Variants in HERC4 observed in about 807,000 individuals in gnomAD.
HERC4 encodes the protein HECT and RLD domain containing E3 ubiquitin protein ligase 4.
A neutral mutation model predicts 124.3 loss-of-function variants in HERC4; 28 were observed. That is an observed-to-expected ratio of 0.23 (90% CI 0.17 to 0.31). The LOEUF (loss-of-function observed/expected upper bound fraction) is 0.31. Ranked by LOEUF, HERC4 falls within the 10% of genes least tolerant of loss-of-function variation. The pLI is 1.00. For synonymous variants in HERC4, 407 were observed against 421.5 expected (o/e 0.97, Z 0.42); for missense variants, 713 against 1,229.3 (o/e 0.58, Z 6.28).
At chr10:68,069,873 C>T (rs1009312949) in intron 3 of HERC4, 44 of 454,950 alleles carry the variant, frequency 9.7e-5, no homozygotes, top group African/African-American at 2.1e-4. Flanking sequence ...AAACCCCGTC[C>T]CTACTAAAAA....
intron 16 of HERC4, 110 bp from the exon 17 acceptor site, chr10:67,957,086 G>A: frequency 1.8e-6 from 1 of 568,330 alleles, no homozygotes. Context: ...TCACTCATGT[G>A]GTTCTGGAAT....
intron 16 of HERC4, chr10:67,964,946 G>C (rs191188648): frequency 1.3e-5 from 2 of 152,202 alleles, no homozygotes; most frequent in Non-Finnish European, 2.9e-5. Context: ...CTAAGTTTTT[G>C]TATTTTTAGT....
At chr10:67,941,236 C>T in intron 19 of HERC4, 131 bp from the exon 20 acceptor site, 1 of 568,078 alleles carries the variant, frequency 1.8e-6, no homozygotes, top group Non-Finnish European at 2.9e-6. Context: ...AGTTCATCCT[C>T]ATTACTGTCT....
intron 3 of HERC4, chr10:68,069,176 C>T (rs2041447914): frequency 1.0e-6 from 1 of 962,656 alleles, no homozygotes; most frequent in African/African-American, 1.8e-5. Flanking sequence ...AAGTATACTT[C>T]CCATACTTAA....
chr10:68,010,954 T>A, intron 9 of HERC4: 1 of 992,994 alleles, frequency 1.0e-6, no homozygotes. Flanking sequence ...AGTTCTCTTG[T>A]TATTTCCACC....
At chr10:68,006,085 CT>C (rs1304071329) in intron 9 of HERC4, among the ~76,000 whole-genome samples, 1 of 152,112 alleles carries the variant, frequency 6.6e-6, no homozygotes, top group African/African-American at 2.4e-5. Flanking sequence ...ATCTTTTCCC[CT>C]GCTCTTTAAT....
intron 15 of HERC4, among the ~76,000 whole-genome samples, chr10:67,975,629 C>T (rs929878749): frequency 1.3e-5 from 2 of 152,168 alleles, no homozygotes; most frequent in Admixed American, 6.5e-5. Flanking sequence ...GGATTACAGG[C>T]GTGAGCCACC....
intron 19 of HERC4, among the ~76,000 whole-genome samples, chr10:67,944,070 G>A (rs2033135488): frequency 6.6e-6 from 1 of 152,246 alleles, no homozygotes; most frequent in Admixed American, 6.5e-5. Context: ...TTCACCACCT[G>A]CTGACTGCAG....
At chr10:67,969,999 T>G (rs1029931479) in intron 15 of HERC4, among the ~76,000 whole-genome samples, 6 of 152,094 alleles carry the variant, frequency 3.9e-5, no homozygotes, top group Admixed American at 6.5e-5. Flanking sequence ...GCATGCAAAG[T>G]GGGGCACAAA....
chr10:68,013,637 T>G (rs1255737070), intron 9 of HERC4, among the ~76,000 whole-genome samples: 1 of 152,214 alleles, frequency 6.6e-6, no homozygotes, highest in African/African-American at 2.4e-5. Context: ...ATCCTCAAGA[T>G]GAAAAGAGTT....
chr10:67,945,622 A>T (rs910303445), intron 19 of HERC4, among the ~76,000 whole-genome samples: 2 of 50,904 alleles, frequency 3.9e-5, no homozygotes, highest in East Asian at 5.4e-4. Flanking sequence ...ATGAACCAAT[A>T]AAAAATAATA....
chr10:67,946,532 G>T (rs1190685890), intron 19 of HERC4, among the ~76,000 whole-genome samples: 1 of 151,958 alleles, frequency 6.6e-6, no homozygotes, highest in Admixed American at 6.6e-5. Context: ...AGACAAAACA[G>T]ATGCAAGACA....
intron 3 of HERC4, among the ~76,000 whole-genome samples, chr10:68,059,843 T>TATTATATATTATATTATATATTATAATA (rs1564609898): frequency 3.8e-5 from 1 of 26,310 alleles, no homozygotes; most frequent in Non-Finnish European, 5.2e-5. Flanking sequence ...TATATTATAA[T>TATTATATATTATATTATATATTATAATA]ATATTATATA....
intron 7 of HERC4, among the ~76,000 whole-genome samples, chr10:68,030,651 C>T (rs560343441): frequency 3.9e-5 from 6 of 152,274 alleles, no homozygotes; most frequent in African/African-American, 1.4e-4. Context: ...AACTCATGGA[C>T]ATTTGGATTT....
intron 3 of HERC4, chr10:68,069,295 G>C (rs2041453515): frequency 1.0e-6 from 1 of 968,592 alleles, no homozygotes; most frequent in Non-Finnish European, 1.2e-6. Flanking sequence ...TTTAAAAATT[G>C]AGACATTAGC....
intron 7 of HERC4, among the ~76,000 whole-genome samples, chr10:68,027,126 T>A (rs1328836083): frequency 6.6e-6 from 1 of 152,260 alleles, no homozygotes; most frequent in Non-Finnish European, 1.5e-5. Flanking sequence ...TCAGTTCAAC[T>A]GCTTTTCTTC....
chr10:68,015,138 G>C (rs1256076663), intron 8 of HERC4, among the ~76,000 whole-genome samples: 1 of 151,692 alleles, frequency 6.6e-6, no homozygotes, highest in African/African-American at 2.4e-5. Flanking sequence ...CAGTGTCTCA[G>C]TTCCGAGCCT....
At chr10:67,988,199 C>T (rs2036366382) in intron 15 of HERC4, 1 of 152,094 alleles carries the variant, frequency 6.6e-6, no homozygotes, top group Non-Finnish European at 1.5e-5. Flanking sequence ...ACATACGGTT[C>T]CAATTTTAAA....
In HERC4 at chr10:68,044,388, T is replaced by TG. The variant is rs747474175; in HGVS notation, c.386+15dup. 2 of 1,596,288 alleles carry TG rather than the reference T, an allele frequency of 1.3e-6. No homozygotes were observed. The highest frequency in any genetic ancestry group is 1.7e-6 in the Non-Finnish European group (2 of 1,175,010). The stretch of plus-strand genomic sequence containing the variant: ...TAAAAGATTGTTAAGGACCTCTTTC[T>TG]GGTCACCTTTGTTACCTGGGTACTC... On this transcript the variant is annotated intron_variant, in intron 4 of 24. Transcript: ENST00000373700.
Sources: gnomAD v4.1 joint callset for allele counts (sites outside exome capture counted in the v4.1 genomes callset) on GRCh38, gnomAD v4.1.1 for gene constraint, MANE v1.5 for transcripts, NCBI Gene and HGNC (gene_info 2026-07-23, HGNC 2026-07-21) for gene names.